The following THSD7B variants were observed in gnomAD, a reference collection of about 807,000 sequenced individuals.
THSD7B encodes thrombospondin type 1 domain containing 7B.
In THSD7B, 138 loss-of-function variants were observed where a neutral mutation model predicts 213.6. The observed-to-expected ratio is 0.65, with a 90% CI of 0.56 to 0.74. The LOEUF (loss-of-function observed/expected upper bound fraction) is 0.74. Among genes scored for constraint, THSD7B ranks in the 30% least tolerant of loss-of-function variants. The pLI, the probability that THSD7B is intolerant of heterozygous loss-of-function variation, is 0.00. For synonymous variants in THSD7B, 742 were observed against 687.0 expected, an observed-to-expected ratio of 1.08 and a Z score of -1.25; for missense variants, 1,931 against 1,991.5, an observed-to-expected ratio of 0.97 and a Z score of 0.58.
chr2:137,267,862 A>G (rs752478659), intron 10 of THSD7B, among the ~76,000 whole-genome samples: 3 of 152,314 alleles, frequency 2.0e-5, no homozygotes, highest in Middle Eastern at 3.4e-3. Context: ...TCCCCTCTCT[A>G]TAGCTACTTC....
chr2:137,466,426 G>A (rs919535739), intron 15 of THSD7B, among the ~76,000 whole-genome samples: 5 of 152,112 alleles, frequency 3.3e-5, no homozygotes, highest in African/African-American at 1.2e-4. Context: ...TGTGGCCCAG[G>A]ACGGCTTTAA....
intron 2 of THSD7B, among the ~76,000 whole-genome samples, chr2:136,976,857 G>A (rs1685489912): frequency 6.6e-6 from 1 of 152,114 alleles, no homozygotes; most frequent in East Asian, 1.9e-4. Flanking sequence ...TCCTGACCTC[G>A]TGATCCACCC....
At chr2:137,372,497 G>T (rs1245679483) in intron 12 of THSD7B, among the ~76,000 whole-genome samples, 1 of 151,598 alleles carries the variant, frequency 6.6e-6, no homozygotes, top group Admixed American at 6.6e-5. Flanking sequence ...TACAGGCAAA[G>T]GTATAAATCA....
intron 17 of THSD7B, among the ~76,000 whole-genome samples, chr2:137,583,443 G>T (rs1248452690): frequency 6.6e-6 from 1 of 152,168 alleles, no homozygotes; most frequent in Non-Finnish European, 1.5e-5. Flanking sequence ...TATTGCCTAG[G>T]TTTTCTTCTA....
At chr2:137,482,682 CTGTT>C (rs147524297) in intron 15 of THSD7B, among the ~76,000 whole-genome samples, 4,277 of 151,864 alleles carry the variant, frequency 0.028, 210 homozygotes, top group African/African-American at 0.098. Context: ...CTAAAGAAAA[CTGTT>C]TTTTTTTTTT....
At chr2:136,815,428 A>G (rs1324079102) in intron 1 of THSD7B, among the ~76,000 whole-genome samples, 1 of 152,194 alleles carries the variant, frequency 6.6e-6, no homozygotes, top group East Asian at 1.9e-4. Flanking sequence ...CTGTTAAACT[A>G]TACCCAGATC....
intron 1 of THSD7B, among the ~76,000 whole-genome samples, chr2:136,817,376 A>G (rs1682492025): frequency 6.7e-6 from 1 of 149,450 alleles, no homozygotes; most frequent in Non-Finnish European, 1.5e-5. Flanking sequence ...ATTAGATCCC[A>G]TTTGTCAATT....
intron 24 of THSD7B, among the ~76,000 whole-genome samples, chr2:137,659,254 G>A (rs563079328): frequency 3.3e-4 from 50 of 152,158 alleles, no homozygotes; most frequent in Non-Finnish European, 4.4e-4. Context: ...TGTTGAAATC[G>A]GCCTAGTGCC....
chr2:136,809,365 G>A (rs562966663), intron 1 of THSD7B, among the ~76,000 whole-genome samples: 2 of 152,322 alleles, frequency 1.3e-5, no homozygotes, highest in East Asian at 1.9e-4. Flanking sequence ...TGCCACATTT[G>A]AGGAGGAGTG....
chr2:136,948,281 T>C (rs1252191317), intron 2 of THSD7B, among the ~76,000 whole-genome samples: 1 of 152,182 alleles, frequency 6.6e-6, no homozygotes, highest in East Asian at 1.9e-4. Context: ...TCATTGTCTA[T>C]GGAAAAATTG....
rs1686502583 is a variant in THSD7B at position 137,405,766 on chromosome 2, CG to C, written c.2655del (p.Asn886ThrfsTer30). 6.2e-7 allele frequency: 1 copy of C among 1,613,174 alleles called. No individual in the cohort carries two copies. Among genetic ancestry groups the C allele is most frequent in the South Asian group, 1.1e-5 (1 of 91,028 alleles). On this transcript the variant is annotated frameshift_variant, in exon 13 of 28. Transcript: ENST00000409968. LOFTEE classifies it high-confidence loss of function. ...TGGTCCAAGTTTACGCCCTGCTCCA[CG>C]AACTGTGAAGCCACAAAAAGTAGGC... ...TAWSKFTPCS[T>X]NCEATKSRRR...
At chr2:136,996,547 TGTTGTCCAG>T (rs1685894790) in intron 2 of THSD7B, among the ~76,000 whole-genome samples, 6 of 152,198 alleles carry the variant, frequency 3.9e-5, no homozygotes, top group African/African-American at 1.4e-4. Context: ...GTCTTTCTTA[TGTTGTCCAG>T]GCTAGTCTTA....
rs80341602 is a variant in THSD7B, at chr2:136,992,965, A to G, written c.140-63455A>G. ...AGCTTTGCTCTCTTTTTGAGTTCCAACTGTTCCTCTCATCAGCAGTCTAAT... is the reference window on the plus strand; with the variant it reads ...AGCTTTGCTCTCTTTTTGAGTTCCAGCTGTTCCTCTCATCAGCAGTCTAAT... On this transcript the variant is annotated intron_variant, in intron 2 of 27. Coordinates refer to ENST00000409968, the MANE Select transcript of THSD7B (RefSeq NM_001316349.2). Among the ~76,000 whole-genome samples the G allele has an allele frequency of 3.1e-3, 477 of 152,334 alleles. 4 individuals are homozygous for G. Among genetic ancestry groups the G allele is most frequent in the African/African-American group, 0.011 (452 of 41,570 alleles).
chr2:137,634,952 C>A (rs997213723), intron 20 of THSD7B, among the ~76,000 whole-genome samples: 2 of 152,078 alleles, frequency 1.3e-5, no homozygotes, highest in African/African-American at 2.4e-5. Flanking sequence ...AACCTGTATA[C>A]CACCTCACTG....
chr2:137,452,387 T>C (rs1435275646), intron 15 of THSD7B, among the ~76,000 whole-genome samples: 1 of 152,084 alleles, frequency 6.6e-6, no homozygotes, highest in Non-Finnish European at 1.5e-5. Flanking sequence ...GCAGAGATAG[T>C]CTGAAGAGAT....
chr2:137,581,759 C>CAAAAAAAAAAATAAA (rs1261980490), intron 17 of THSD7B, among the ~76,000 whole-genome samples: 1 of 102,516 alleles, frequency 9.8e-6, no homozygotes, highest in Non-Finnish European at 2.0e-5. Context: ...GACTCCGTCT[C>CAAAAAAAAAAATAAA]AAAAAAAAAA....
At chr2:137,469,106 C>A (rs1688046272) in intron 15 of THSD7B, among the ~76,000 whole-genome samples, 1 of 152,098 alleles carries the variant, frequency 6.6e-6, no homozygotes, top group Non-Finnish European at 1.5e-5. Flanking sequence ...GAATGTAAGA[C>A]CTATCTGGAT....
At chr2:137,038,420 T>C (rs1471664802) in intron 2 of THSD7B, among the ~76,000 whole-genome samples, 1 of 152,198 alleles carries the variant, frequency 6.6e-6, no homozygotes, top group East Asian at 1.9e-4. Context: ...AAATCCACAC[T>C]GCTGATGAGC....
At chr2:137,189,834 CA>C (rs1347842834) in intron 7 of THSD7B, among the ~76,000 whole-genome samples, 6 of 152,048 alleles carry the variant, frequency 3.9e-5, no homozygotes, top group Non-Finnish European at 7.4e-5. Flanking sequence ...CACATTTATT[CA>C]ACTCTGTATT....
Sources: allele counts gnomAD v4.1 joint callset (sites outside exome capture counted in the v4.1 genomes callset), GRCh38; gene constraint gnomAD v4.1.1; transcripts MANE v1.5; gene names NCBI Gene and HGNC (gene_info 2026-07-23, HGNC 2026-07-21).